APOL2: variants seen among roughly 807,000 people sequenced by gnomAD.
APOL2 encodes apolipoprotein L2, also known as apolipoprotein L, 2.
A neutral mutation model predicts 7.1 loss-of-function variants in APOL2; 8 were observed. The observed-to-expected ratio is 1.12, with a 90% CI of 0.66 to 2.03. The LOEUF (loss-of-function observed/expected upper bound fraction) is 2.03. Among genes scored for constraint, APOL2 ranks in the 30% most tolerant of loss-of-function variants. The pLI, the probability that APOL2 is intolerant of heterozygous loss-of-function variation, is 0.00. For synonymous variants in APOL2, 177 were observed against 159.9 expected, an observed-to-expected ratio of 1.11 and a Z score of -0.81; for missense variants, 471 against 415.1, an observed-to-expected ratio of 1.13 and a Z score of -1.17.
chr22:36,227,764 T>C lies in APOL2; in HGVS notation c.654A>G (p.Gln218=). ...TLVDNWYQVT[Q]GIGRNIRAIR... ...TGGCACGGATGTTCCTCCCAATCCCTTGTGTGACTTGGTACCAATTGTCAA... is the reference window on the plus strand; with the variant it reads ...TGGCACGGATGTTCCTCCCAATCCCCTGTGTGACTTGGTACCAATTGTCAA... Residue 218 remains glutamine, a synonymous_variant, in exon 5 of 5, where the codon CAA becomes CAG. Transcript: ENST00000358502. 1 of 1,614,202 alleles carries C rather than the reference T, an allele frequency of 6.2e-7. No homozygotes were observed. Among genetic ancestry groups the C allele is most frequent in the Non-Finnish European group, 8.5e-7 (1 of 1,180,030 alleles).
At position 36,239,449 on chromosome 22, in the gene APOL2, C is replaced by T. The variant is rs749919749; in HGVS notation, c.-142G>A. 1 of 1,524,050 alleles carries T rather than the reference C, an allele frequency of 6.6e-7. No individual in the cohort carries two copies. Among genetic ancestry groups the T allele is most frequent in the Non-Finnish European group, 8.7e-7 (1 of 1,155,636 alleles). The allele number at this position is 1,524,050 out of a possible 1,614,324, so 94.4% of individuals were successfully genotyped here. A position where few individuals can be genotyped will look rare whatever the true frequency, so the allele number is the denominator to read the frequency against. ...CACTATCCCCAACTTACCAAGGGAT[C>T]TTCCTCTGACAGAGACTGAGCAAGA... On this transcript the variant is annotated 5_prime_UTR_variant, in exon 1 of 5. Transcript: ENST00000358502.
At chr22:36,239,803 T>C (rs2015540387), upstream of APOL2, 2 of 418,920 alleles carry the variant, frequency 4.8e-6, no homozygotes, top group Non-Finnish European at 4.4e-6. Context: ...GAACCAGAGT[T>C]GAGCCTGGGG....
At chr22:36,237,331 G>A (rs780969340) in intron 1 of APOL2, 2 of 1,335,596 alleles carry the variant, frequency 1.5e-6, no homozygotes, top group Admixed American at 6.7e-5. Flanking sequence ...TCTCAGCAAA[G>A]CATCTCCCTC....
intron 1 of APOL2, 184 bp downstream of exon 1, chr22:36,239,257 G>A (rs997191683): frequency 2.9e-6 from 4 of 1,376,540 alleles, no homozygotes; most frequent in Admixed American, 3.0e-5. Flanking sequence ...CCGCCCAGCA[G>A]GAGGGAGGGA....
In APOL2 at chr22:36,227,492, T is replaced by A; in HGVS notation, c.926A>T (p.Glu309Val). ...LEGAKSESAE[E>V]LKKRAQELEG... The stretch of plus-strand genomic sequence containing the variant: ...CAGCTCCTGAGCCCGCTTCTTCAGC[T>A]CCTCAGCTGACTCTGACTTTGCCCC... The change falls in exon 5 of 5, where the codon GAG becomes GTG. Residue 309 changes from glutamate to valine, a missense_variant. Transcript: ENST00000358502. 1 of 1,614,174 alleles carries A rather than the reference T, an allele frequency of 6.2e-7. No homozygotes were observed. The highest frequency in any genetic ancestry group is 8.5e-7 in the Non-Finnish European group (1 of 1,180,028).
At position 36,233,153 on chromosome 22, in the gene APOL2, C is replaced by G; in HGVS notation, c.10G>C (p.Glu4Gln). The change falls in exon 3 of 5, where the codon GAG becomes CAG. Residue 4 changes from glutamate (E) to glutamine (Q), a missense_variant and splice_region_variant. Transcript: ENST00000358502. MNP[E>Q]SSIFIEDYLK... ...GCCAGGAAAGAGGAAGCGAGCCTAC[C>G]TGGGTTCATGGTGCCAGCGGCTGGG... 6.2e-7 allele frequency: 1 copy of G among 1,614,096 alleles called. No individual in the cohort carries two copies. The highest frequency in any genetic ancestry group is 8.5e-7 in the Non-Finnish European group (1 of 1,179,976).
intron 1 of APOL2, chr22:36,237,092 G>A: frequency 9.1e-6 from 14 of 1,534,168 alleles, no homozygotes; most frequent in Non-Finnish European, 1.2e-5. Context: ...CTGCATCCAG[G>A]ATCCCATCCT....
intron 1 of APOL2, chr22:36,236,819 G>A (rs201924214): frequency 5.6e-6 from 3 of 536,790 alleles, no homozygotes; most frequent in Non-Finnish European, 6.9e-6. Flanking sequence ...AAGACTAAAA[G>A]GGGGACCCAG....
At chr22:36,232,206 C>T (rs1014221282) in intron 3 of APOL2, among the ~76,000 whole-genome samples, 7 of 152,252 alleles carry the variant, frequency 4.6e-5, no homozygotes, top group Non-Finnish European at 8.8e-5. Flanking sequence ...TTCATCATAA[C>T]ATGAAGCCTC....
intron 4 of APOL2, among the ~76,000 whole-genome samples, chr22:36,228,503 C>T (rs940147806): frequency 8.5e-5 from 13 of 152,280 alleles, no homozygotes; most frequent in South Asian, 2.1e-4. Context: ...CTTAAAGGCA[C>T]CTCAGATGCT....
At position 36,231,269 on chromosome 22, in the gene APOL2, G is replaced by C. The variant is rs190249411; in HGVS notation, c.137+71C>G. The C allele has an allele frequency of 2.6e-6, 4 of 1,568,390 alleles. No individual in the cohort carries two copies. The African/African-American group carries it at 5.4e-5, about 21-fold the overall frequency. Reference sequence around the variant, plus strand: ...GCCTGGAGGAGGTGTGCCTGTCAGGGACAACCAGCCCAGGGGAGATCTGAG... The same window carrying C: ...GCCTGGAGGAGGTGTGCCTGTCAGGCACAACCAGCCCAGGGGAGATCTGAG... On this transcript the variant is annotated intron_variant, in intron 4 of 4. Coordinates refer to ENST00000358502, the MANE Select transcript of APOL2 (RefSeq NM_030882.4).
In APOL2 at chr22:36,227,315, CAAAAAAAAAAA is replaced by C. The variant is rs56009920; in HGVS notation, c.*78_*88del. The C allele has an allele frequency of 4.7e-5, 45 of 961,100 alleles. No individual in the cohort carries two copies. Among genetic ancestry groups the C allele is most frequent in the Middle Eastern group, 3.5e-4 (1 of 2,872 alleles). 59.5% of individuals were successfully genotyped at this position (961,100 alleles called of 1,614,324 possible). A position where few individuals can be genotyped will look rare whatever the true frequency, so the allele number is the denominator to read the frequency against. The stretch of plus-strand genomic sequence containing the variant: ...TGGGCGATAGAGCGAGACTCCATCT[CAAAAAAAAAAA>C]AAAAAAAAAAAAAAAGTCTGCATTT... On this transcript the variant is annotated 3_prime_UTR_variant, in exon 5 of 5. Coordinates refer to ENST00000358502, the MANE Select transcript of APOL2 (RefSeq NM_030882.4).
Position 36,233,465 on chromosome 22 carries a change from T to A in APOL2, c.-133-10A>T. 1 of 1,549,028 alleles carries A rather than the reference T, an allele frequency of 6.5e-7. No individual in the cohort carries two copies. The highest frequency in any genetic ancestry group is 8.7e-7 in the Non-Finnish European group (1 of 1,146,726). ...GCAGGGTCCTCTTGTCCTGTAGGGG[T>A]ATGAGAAGAAGATAATCAGAGGAGG... On this transcript the variant is annotated splice_polypyrimidine_tract_variant and intron_variant, in intron 1 of 4. Transcript: ENST00000358502.
rs934496248 is a variant in APOL2 at position 36,238,162 on chromosome 22, C to T, written c.-134+1279G>A. The stretch of plus-strand genomic sequence containing the variant: ...GTTGTGTTCCCAGCTGCACCCCCTA[C>T]GACTGACCTGGATGCCCTCCGCCCT... On this transcript the variant is annotated intron_variant, in intron 1 of 4. Transcript: ENST00000358502. Among the ~76,000 whole-genome samples, 11 of 152,340 alleles carry T rather than the reference C, an allele frequency of 7.2e-5. No homozygotes were observed. The South Asian group carries it at 8.3e-4, about 11-fold the overall frequency.
Position 36,227,733 on chromosome 22 carries a change from G to C in APOL2, c.685C>G (p.Arg229Gly), listed in dbSNP as rs775457026. ...GIGRNIRAIR[R>G]ARANPQLGAY... ...CCTAACTGAGGGTTGGCTCTGGCTC[G>C]TCTGATGGCACGGATGTTCCTCCCA... Residue 229 changes from arginine to glycine, a missense_variant, in exon 5 of 5, where the codon CGA (arginine) becomes GGA (glycine). Coordinates refer to ENST00000358502, the MANE Select transcript of APOL2 (RefSeq NM_030882.4). 1 of 1,614,238 alleles carries C rather than the reference G, an allele frequency of 6.2e-7. No individual in the cohort carries two copies. The highest frequency in any genetic ancestry group is 2.2e-5 in the East Asian group (1 of 44,896).
chr22:36,236,822 G>A (rs923188468), intron 1 of APOL2: 120 of 1,168,900 alleles, frequency 1.0e-4, no homozygotes, highest in Non-Finnish European at 1.2e-4. Context: ...ACTAAAAGGG[G>A]GACCCAGTCC....
At chr22:36,238,700 T>C (rs1304571410) in intron 1 of APOL2, among the ~76,000 whole-genome samples, 1 of 152,258 alleles carries the variant, frequency 6.6e-6, no homozygotes, top group Non-Finnish European at 1.5e-5. Flanking sequence ...GGTACCATTC[T>C]GCAATGCGAC....
In APOL2 at chr22:36,230,172, C is replaced by T. The variant is rs9941931; in HGVS notation, c.137+1168G>A. 3.2e-3 allele frequency among the ~76,000 whole-genome samples: 485 copies of T among 152,322 alleles called. 3 individuals are homozygous for T. The highest frequency in any genetic ancestry group is 0.011 in the African/African-American group (472 of 41,560). ...AGATGGTAGAGGAAGTGTTTTCCTC[C>T]TCGGTTGGGACTTTGTGAGTCTGCT... On this transcript the variant is annotated intron_variant, in intron 4 of 4. Coordinates refer to ENST00000358502, the MANE Select transcript of APOL2 (RefSeq NM_030882.4).
At position 36,233,445 on chromosome 22, in the gene APOL2, G is replaced by T. The variant is rs878956888; in HGVS notation, c.-123C>A. 1.5e-5 allele frequency: 24 copies of T among 1,550,216 alleles called. No individual in the cohort carries two copies. In the South Asian group the frequency reaches 2.1e-4, roughly 14 times the overall value. On this transcript the variant is annotated 5_prime_UTR_variant, in exon 2 of 5. Coordinates refer to ENST00000358502, the MANE Select transcript of APOL2 (RefSeq NM_030882.4). ...TCCCTCACTCTCACACCAAGGCAGGGTCCTCTTGTCCTGTAGGGGTATGAG... is the reference window on the plus strand; with the variant it reads ...TCCCTCACTCTCACACCAAGGCAGGTTCCTCTTGTCCTGTAGGGGTATGAG...
Sources: gnomAD v4.1 joint callset for allele counts (sites outside exome capture counted in the v4.1 genomes callset) on GRCh38, gnomAD v4.1.1 for gene constraint, MANE v1.5 for transcripts, NCBI Gene and HGNC (gene_info 2026-07-23, HGNC 2026-07-21) for gene names.